The following NTM variants were observed in gnomAD, a reference collection of about 807,000 sequenced individuals.
The protein encoded by NTM is IgLON family member 2.
Under a neutral mutation model 42.1 loss-of-function variants are expected in NTM, and 13 were observed. The ratio of observed to expected loss-of-function variants is 0.31; its 90% CI spans 0.20 to 0.49. NTM has a LOEUF of 0.49. NTM is among the 20% of genes least tolerant of loss of function. The pLI, the probability that NTM is intolerant of heterozygous loss-of-function variation, is 0.99. For missense variants in NTM, 373 were observed against 452.8 expected, an observed-to-expected ratio of 0.82 and a Z score of 1.60; for synonymous variants, 187 against 179.2, an observed-to-expected ratio of 1.04 and a Z score of -0.35.
At chr11:131,914,088 A>G (rs915570479) in intron 2 of NTM, among the ~76,000 whole-genome samples, 1 of 152,204 alleles carries the variant, frequency 6.6e-6, no homozygotes, top group Non-Finnish European at 1.5e-5. Context: ...ACTCTCAAAC[A>G]TAGGTCCTGC....
chr11:132,329,354 A>G (rs942446839), intron 7 of NTM, among the ~76,000 whole-genome samples: 2 of 152,354 alleles, frequency 1.3e-5, no homozygotes, highest in Non-Finnish European at 2.9e-5. Flanking sequence ...AAAGGTGGAG[A>G]GACTCCATAG....
chr11:132,031,677 G>A lies in NTM; in HGVS notation c.168-114605G>A, dbSNP rs150947189. On this transcript the variant is annotated intron_variant, in intron 2 of 8. Coordinates refer to ENST00000683400, the MANE Select transcript of NTM (RefSeq NM_001352005.2). ...CATTAAGGCTTGAGATACCTCTTAG[G>A]CTTTGCGTACAGATACCAAGTAGTC... 3.5e-4 allele frequency among the ~76,000 whole-genome samples: 54 copies of A among 152,272 alleles called. 1 individual carries two copies. Among genetic ancestry groups the A allele is most frequent in the Admixed American group, 7.8e-4 (12 of 15,290 alleles).
At chr11:132,073,380 G>T (rs893012754) in intron 2 of NTM, among the ~76,000 whole-genome samples, 1 of 152,152 alleles carries the variant, frequency 6.6e-6, no homozygotes, top group Non-Finnish European at 1.5e-5. Flanking sequence ...TTTATGTAAT[G>T]ATTTGGTGGT....
At chr11:131,953,641 C>G (rs2061257485) in intron 2 of NTM, among the ~76,000 whole-genome samples, 3 of 152,086 alleles carry the variant, frequency 2.0e-5, no homozygotes, top group Admixed American at 2.0e-4. Context: ...CTGGCCTGGG[C>G]AACATTAAAT....
chr11:132,072,934 A>G (rs188730141), intron 2 of NTM, among the ~76,000 whole-genome samples: 1 of 152,166 alleles, frequency 6.6e-6, no homozygotes, highest in Non-Finnish European at 1.5e-5. Context: ...CTTTTGACAA[A>G]CACTCTTTGA....
intron 2 of NTM, among the ~76,000 whole-genome samples, chr11:132,142,826 C>T (rs2069481900): frequency 6.6e-6 from 1 of 152,194 alleles, no homozygotes; most frequent in East Asian, 1.9e-4. Flanking sequence ...GCAGACGAAC[C>T]TCTCTGGCCC....
At chr11:132,106,002 C>T (rs181957560) in intron 2 of NTM, among the ~76,000 whole-genome samples, 69 of 152,232 alleles carry the variant, frequency 4.5e-4, no homozygotes, top group Middle Eastern at 3.4e-3. Flanking sequence ...AAACCTAAGT[C>T]AATTTGAGGG....
intron 1 of NTM, among the ~76,000 whole-genome samples, chr11:131,557,921 C>T (rs1392032383): frequency 6.6e-6 from 1 of 152,212 alleles, no homozygotes. Context: ...GGTGGTATCT[C>T]TGCTGCTGTC....
chr11:131,937,088 C>T (rs2134163329), intron 2 of NTM, among the ~76,000 whole-genome samples: 1 of 152,290 alleles, frequency 6.6e-6, no homozygotes, highest in African/African-American at 2.4e-5. Context: ...AGAAAGGAAG[C>T]AGGAGGGAAA....
At chr11:131,489,956 C>T (rs1261821881) in intron 1 of NTM, among the ~76,000 whole-genome samples, 1 of 152,144 alleles carries the variant, frequency 6.6e-6, no homozygotes, top group Non-Finnish European at 1.5e-5. Flanking sequence ...GAAGCATGGC[C>T]CCAGCATCTG....
intron 3 of NTM, among the ~76,000 whole-genome samples, chr11:132,152,772 G>A (rs532368149): frequency 4.6e-5 from 7 of 152,196 alleles, no homozygotes; most frequent in African/African-American, 1.2e-4. Flanking sequence ...CTGAGGTATC[G>A]TCTGTCTGCT....
chr11:132,165,717 CTG>C (rs1309887010), intron 3 of NTM, among the ~76,000 whole-genome samples: 17 of 152,142 alleles, frequency 1.1e-4, no homozygotes, highest in African/African-American at 3.1e-4. Flanking sequence ...AGAAGCCCGA[CTG>C]TGGGGCTGTT....
At chr11:131,891,386 G>A (rs941449974) in intron 1 of NTM, among the ~76,000 whole-genome samples, 16 of 152,172 alleles carry the variant, frequency 1.1e-4, no homozygotes, top group African/African-American at 3.1e-4. Flanking sequence ...AGACAGGGTT[G>A]ACCACAAGTT....
intron 1 of NTM, among the ~76,000 whole-genome samples, chr11:131,707,078 A>G (rs562268349): frequency 1.3e-5 from 2 of 152,034 alleles, no homozygotes; most frequent in Non-Finnish European, 2.9e-5. Flanking sequence ...TCACTAAAAC[A>G]TAATTCTTCT....
At chr11:131,911,213 T>A in intron 1 of NTM, 23 of 1,385,644 alleles carry the variant, frequency 1.7e-5, no homozygotes, top group Non-Finnish European at 2.2e-5. Flanking sequence ...TCGGCCACCT[T>A]CCCGGCGGAA....
At chr11:131,764,681 T>C (rs2084828917) in intron 1 of NTM, among the ~76,000 whole-genome samples, 2 of 152,140 alleles carry the variant, frequency 1.3e-5, no homozygotes, top group Non-Finnish European at 1.5e-5. Context: ...AATACAATCA[T>C]GTGTGCAATT....
intron 1 of NTM, among the ~76,000 whole-genome samples, chr11:131,779,087 A>G (rs964163279): frequency 1.3e-5 from 2 of 152,232 alleles, no homozygotes; most frequent in African/African-American, 4.8e-5. Flanking sequence ...CAACAACCAC[A>G]TCACAGTAAG....
chr11:132,023,186 C>G (rs948917780), intron 2 of NTM, among the ~76,000 whole-genome samples: 1 of 152,194 alleles, frequency 6.6e-6, no homozygotes, highest in African/African-American at 2.4e-5. Flanking sequence ...CATGTTATAT[C>G]TCATGGGGGA....
At chr11:131,866,469 G>A (rs755834775) in intron 1 of NTM, among the ~76,000 whole-genome samples, 1 of 152,232 alleles carries the variant, frequency 6.6e-6, no homozygotes, top group Non-Finnish European at 1.5e-5. Context: ...TGACTCCTCC[G>A]TAGGGCCAGG....
Sources: allele counts gnomAD v4.1 joint callset (sites outside exome capture counted in the v4.1 genomes callset), GRCh38; gene constraint gnomAD v4.1.1; transcripts MANE v1.5; gene names NCBI Gene and HGNC (gene_info 2026-07-23, HGNC 2026-07-21).